CHRM5: variants seen among roughly 807,000 people sequenced by gnomAD.
CHRM5 encodes muscarinic acetylcholine receptor M5.
In CHRM5, 18 loss-of-function variants were observed where a neutral mutation model predicts 39.0. The observed-to-expected ratio is 0.46, with a 90% CI of 0.32 to 0.68. The LOEUF (loss-of-function observed/expected upper bound fraction) is 0.68. Among genes scored for constraint, CHRM5 ranks in the 30% least tolerant of loss-of-function variants. CHRM5 has a pLI of 0.04. For missense variants in CHRM5, 515 were observed against 651.1 expected (o/e 0.79, Z 2.28); for synonymous variants, 241 against 246.3 (o/e 0.98, Z 0.20).
chr15:34,063,921 A>T lies in CHRM5; in HGVS notation c.1204A>T (p.Ile402Phe). Residue 402 changes from isoleucine (I) to phenylalanine (F), a missense_variant, in exon 3 of 3, where the codon ATC becomes TTC. By Grantham distance (21) the Ile-to-Phe change is conservative. Coordinates refer to ENST00000383263, the MANE Select transcript of CHRM5 (RefSeq NM_012125.4). This position sits in a 1 kb window ranked among gnomAD's most constrained non-coding sequence, Gnocchi z 4.1. ...CAACAATGGCTGTCACAAGGTGAAA[A>T]TCATGCCCTGCCCCTTCCCAGTGGC... ...ETNNGCHKVKIMPCPFPVAKE... is the reference protein window; with the variant it reads ...ETNNGCHKVKFMPCPFPVAKE... 3.1e-6 allele frequency: 5 copies of T among 1,614,176 alleles called. No individual in the cohort carries two copies. The highest frequency in any genetic ancestry group is 4.2e-6 in the Non-Finnish European group (5 of 1,180,042).
At chr15:34,016,246 A>C (rs1897906390) in intron 1 of CHRM5, among the ~76,000 whole-genome samples, 1 of 152,230 alleles carries the variant, frequency 6.6e-6, no homozygotes, top group Non-Finnish European at 1.5e-5. Flanking sequence ...AAAAACAAAA[A>C]CAAAAACAAA....
intron 1 of CHRM5, among the ~76,000 whole-genome samples, chr15:34,042,846 C>G (rs1322847322): frequency 6.6e-6 from 1 of 152,180 alleles, no homozygotes; most frequent in Non-Finnish European, 1.5e-5. Flanking sequence ...GCCCAGTAAT[C>G]TGTGTCTTAA....
rs1896385731 is a variant in CHRM5, at chr15:33,985,407, G to A, written c.-408+16257G>A. ...TGTTACCAGAAAGGAACACTGAGCTGAGTGCATGCCCTCAGCTCAGTGTTC... is the reference window on the plus strand; with the variant it reads ...TGTTACCAGAAAGGAACACTGAGCTAAGTGCATGCCCTCAGCTCAGTGTTC... On this transcript the variant is annotated intron_variant, in intron 1 of 2. Coordinates refer to ENST00000383263, the MANE Select transcript of CHRM5 (RefSeq NM_012125.4). 6.0e-5 allele frequency among the ~76,000 whole-genome samples: 9 copies of A among 150,990 alleles called. 1 individual carries two copies. The highest frequency in any genetic ancestry group is 5.9e-4 in the Admixed American group (9 of 15,234).
intron 2 of CHRM5, among the ~76,000 whole-genome samples, chr15:34,053,818 A>G (rs1900031532): frequency 6.6e-6 from 1 of 152,202 alleles, no homozygotes; most frequent in African/African-American, 2.4e-5. Context: ...CAAAGCAAAA[A>G]TTGACAAATA....
intron 1 of CHRM5, among the ~76,000 whole-genome samples, chr15:34,004,081 C>T (rs894287232): frequency 1.3e-5 from 2 of 152,026 alleles, no homozygotes; most frequent in Non-Finnish European, 2.9e-5. Flanking sequence ...GTTCAGGTAG[C>T]GTCTGTGTGA....
intron 1 of CHRM5, among the ~76,000 whole-genome samples, chr15:34,002,248 C>A (rs1024649440): frequency 3.3e-5 from 5 of 152,186 alleles, no homozygotes; most frequent in Admixed American, 3.3e-4. Context: ...TATCTGCCAC[C>A]GCAGTCAAGA....
chr15:34,030,192 T>A (rs1157696252), intron 1 of CHRM5, among the ~76,000 whole-genome samples: 1 of 152,134 alleles, frequency 6.6e-6, no homozygotes, highest in Non-Finnish European at 1.5e-5. Context: ...AGGCAGAGGT[T>A]GCAGGGAGCT....
chr15:33,998,977 C>T (rs1897040669), intron 1 of CHRM5, among the ~76,000 whole-genome samples: 1 of 152,308 alleles, frequency 6.6e-6, no homozygotes, highest in African/African-American at 2.4e-5. Flanking sequence ...GGATCCTGAA[C>T]CCCACATTCC....
chr15:34,057,303 A>ATTTTTT (rs59628367), intron 2 of CHRM5, among the ~76,000 whole-genome samples: 1 of 147,252 alleles, frequency 6.8e-6, no homozygotes. Flanking sequence ...CGCCCAGCTA[A>ATTTTTT]TTTTTTTTTT....
intron 1 of CHRM5, among the ~76,000 whole-genome samples, chr15:34,042,368 G>C (rs1418933200): frequency 6.7e-6 from 1 of 149,188 alleles, no homozygotes; most frequent in Non-Finnish European, 1.5e-5. Flanking sequence ...TGTACTTTTT[G>C]CATATTTTTA....
At chr15:34,042,102 C>CA (rs2140806393) in intron 1 of CHRM5, among the ~76,000 whole-genome samples, 1 of 152,250 alleles carries the variant, frequency 6.6e-6, no homozygotes, top group South Asian at 2.1e-4. Context: ...GATTCTGGTC[C>CA]AAAAATGTGT....
chr15:34,059,057 C>A (rs1385656023), intron 2 of CHRM5, among the ~76,000 whole-genome samples: 2 of 149,424 alleles, frequency 1.3e-5, no homozygotes, highest in Non-Finnish European at 2.9e-5. Context: ...CCACCATGCC[C>A]AGCTAACTTT....
chr15:33,970,506 AT>A (rs1026214719), intron 1 of CHRM5, among the ~76,000 whole-genome samples: 1 of 151,952 alleles, frequency 6.6e-6, no homozygotes, highest in African/African-American at 2.4e-5. Flanking sequence ...TAAGGGTGGT[AT>A]TGTTGTTGTT....
At chr15:34,050,667 C>T (rs2140825613) in intron 2 of CHRM5, among the ~76,000 whole-genome samples, 1 of 152,130 alleles carries the variant, frequency 6.6e-6, no homozygotes, top group Middle Eastern at 3.4e-3. Flanking sequence ...ATTTACCAAA[C>T]AAATGGAAAA....
intron 1 of CHRM5, among the ~76,000 whole-genome samples, chr15:34,015,915 A>G (rs1897883070): frequency 6.6e-6 from 1 of 152,218 alleles, no homozygotes. Context: ...CTGGCTCCTT[A>G]GATGCACTCT....
At chr15:34,017,988 T>C (rs77311268) in intron 1 of CHRM5, among the ~76,000 whole-genome samples, 2,213 of 152,288 alleles carry the variant, frequency 0.015, 47 homozygotes, top group African/African-American at 0.049. Context: ...TTACCAGTCA[T>C]ATAAAAGTCC....
At chr15:34,014,138 G>A (rs570193575) in intron 1 of CHRM5, among the ~76,000 whole-genome samples, 41 of 152,222 alleles carry the variant, frequency 2.7e-4, no homozygotes, top group African/African-American at 4.3e-4. Flanking sequence ...CAACATGGGC[G>A]GATCACCTGA....
intron 1 of CHRM5, among the ~76,000 whole-genome samples, chr15:34,021,858 A>C (rs1597361439): frequency 6.6e-6 from 1 of 152,138 alleles, no homozygotes; most frequent in East Asian, 1.9e-4. Context: ...TCCATCTCAA[A>C]AATAAAAATA....
At chr15:34,007,815 G>A (rs1897423777) in intron 1 of CHRM5, among the ~76,000 whole-genome samples, 1 of 152,166 alleles carries the variant, frequency 6.6e-6, no homozygotes, top group Non-Finnish European at 1.5e-5. Context: ...TGGAAGTTCT[G>A]AGGGAGAATC....
Sources: allele counts gnomAD v4.1 joint callset (sites outside exome capture counted in the v4.1 genomes callset), GRCh38; gene constraint gnomAD v4.1.1; non-coding constraint Gnocchi (gnomAD v3.1); transcripts MANE v1.5; gene names NCBI Gene and HGNC (gene_info 2026-07-23, HGNC 2026-07-21).